The following ALCAM variants were observed in gnomAD, a reference collection of about 807,000 sequenced individuals.
The protein encoded by ALCAM is CD166 antigen.
Under a neutral mutation model 70.9 loss-of-function variants are expected in ALCAM, and 30 were observed. The ratio of observed to expected loss-of-function variants is 0.42; its 90% CI spans 0.32 to 0.57. The LOEUF (loss-of-function observed/expected upper bound fraction) is 0.57. Among genes scored for constraint, ALCAM ranks in the 20% least tolerant of loss-of-function variants. ALCAM has a pLI of 0.11. For missense variants in ALCAM, 591 were observed against 695.1 expected (o/e 0.85, Z 1.68); for synonymous variants, 249 against 242.5 (o/e 1.03, Z -0.25).
chr3:105,535,338 A>G (rs1376896570), intron 6 of ALCAM, among the ~76,000 whole-genome samples: 2 of 152,168 alleles, frequency 1.3e-5, no homozygotes, highest in Non-Finnish European at 2.9e-5. Context: ...TTCTAACTTC[A>G]TTATTTTAGT....
chr3:105,386,663 T>C (rs1324622428), intron 1 of ALCAM, among the ~76,000 whole-genome samples: 1 of 150,382 alleles, frequency 6.6e-6, no homozygotes, highest in Non-Finnish European at 1.5e-5. Flanking sequence ...CCACCATAAA[T>C]ATATATATAT....
Position 105,520,213 on chromosome 3 carries a change from T to C in ALCAM, c.174+46T>C, listed in dbSNP as rs747457156. 1.1e-5 allele frequency: 14 copies of C among 1,320,854 alleles called. No homozygotes were observed. In the South Asian group the frequency reaches 1.6e-4, roughly 15 times the overall value. The allele number at this position is 1,320,854 out of a possible 1,614,324, so 81.8% of individuals were successfully genotyped here. A position where few individuals can be genotyped will look rare whatever the true frequency, so the allele number is the denominator to read the frequency against. ...ACTTGGTTAATTGCCCTTGTTCTTT[T>C]AAATAAAATTCTTTCTGTGAGTAAC... is the stretch of plus-strand genomic sequence containing the variant. On this transcript the variant is annotated intron_variant, in intron 2 of 15. Coordinates refer to ENST00000306107, the MANE Select transcript of ALCAM (RefSeq NM_001627.4).
rs529687820 is a variant in ALCAM at position 105,383,980 on chromosome 3, A to T, written c.73+16499A>T. 4.0e-5 allele frequency among the ~76,000 whole-genome samples: 6 copies of T among 151,814 alleles called. No individual in the cohort carries two copies. The South Asian group carries it at 8.3e-4, about 21-fold the overall frequency. ...GCAGAAATAATATAGAAAAGACTTC[A>T]TAAGCAGATTGATCAGTCACGCAGG... is the stretch of plus-strand genomic sequence containing the variant. On this transcript the variant is annotated intron_variant, in intron 1 of 15. Transcript: ENST00000306107.
intron 5 of ALCAM, 60 bp downstream of exon 5, chr3:105,533,750 G>C: frequency 6.6e-7 from 1 of 1,508,838 alleles, no homozygotes; most frequent in Non-Finnish European, 9.2e-7. Context: ...GACTTTCTTT[G>C]TTCTAGGTAT....
At chr3:105,401,187 A>G (rs1338919805) in intron 1 of ALCAM, among the ~76,000 whole-genome samples, 1 of 152,184 alleles carries the variant, frequency 6.6e-6, no homozygotes, top group Non-Finnish European at 1.5e-5. Flanking sequence ...GAACACCCAC[A>G]CCTTAGTAGC....
intron 1 of ALCAM, among the ~76,000 whole-genome samples, chr3:105,388,831 G>A (rs1003512693): frequency 6.6e-6 from 1 of 151,358 alleles, no homozygotes; most frequent in African/African-American, 2.4e-5. Flanking sequence ...TAGCTCTTGA[G>A]GATTCAAAAC....
chr3:105,529,386 T>G (rs1419085146), intron 3 of ALCAM, among the ~76,000 whole-genome samples: 1 of 152,142 alleles, frequency 6.6e-6, no homozygotes, highest in Middle Eastern at 3.2e-3. Flanking sequence ...CATAGACTAT[T>G]TTTTAACACT....
At chr3:105,372,609 A>AT (rs1935263384) in intron 1 of ALCAM, among the ~76,000 whole-genome samples, 1 of 152,066 alleles carries the variant, frequency 6.6e-6, no homozygotes, top group Admixed American at 6.5e-5. Context: ...GGATTACTTA[A>AT]TTTGACTTTG....
At chr3:105,542,220 G>T (rs1559828020) in intron 8 of ALCAM, among the ~76,000 whole-genome samples, 1 of 151,818 alleles carries the variant, frequency 6.6e-6, no homozygotes, top group Non-Finnish European at 1.5e-5. Context: ...AGGAAGTAGA[G>T]ATCATTAGAA....
chr3:105,498,474 C>T (rs1272637552), intron 1 of ALCAM, among the ~76,000 whole-genome samples: 2 of 151,054 alleles, frequency 1.3e-5, no homozygotes, highest in African/African-American at 4.9e-5. Context: ...TTGACACCAC[C>T]ATGTTTTGTC....
At chr3:105,483,899 G>C (rs928299780) in intron 1 of ALCAM, among the ~76,000 whole-genome samples, 1 of 151,900 alleles carries the variant, frequency 6.6e-6, no homozygotes, top group Non-Finnish European at 1.5e-5. Context: ...AGAGCTTAAC[G>C]TGCCTGGGAT....
At chr3:105,524,702 G>C in intron 3 of ALCAM, 194 bp downstream of exon 3, 1 of 1,325,268 alleles carries the variant, frequency 7.5e-7, no homozygotes, top group Non-Finnish European at 9.6e-7. Context: ...TCAAATAGGA[G>C]ATTTGCAGTG....
intron 1 of ALCAM, among the ~76,000 whole-genome samples, chr3:105,396,349 T>A (rs1164485330): frequency 2.6e-5 from 4 of 151,730 alleles, no homozygotes; most frequent in Non-Finnish European, 5.9e-5. Context: ...ATCTTTGAAA[T>A]AGAAGAGACC....
At chr3:105,559,861 G>A (rs1940596094) in intron 14 of ALCAM, among the ~76,000 whole-genome samples, 1 of 152,048 alleles carries the variant, frequency 6.6e-6, no homozygotes, top group African/African-American at 2.4e-5. Context: ...ACATGTTTTT[G>A]AGATTTATTC....
chr3:105,565,352 A>G (rs9847971), intron 14 of ALCAM, among the ~76,000 whole-genome samples: 12,595 of 152,216 alleles, frequency 0.083, 667 homozygotes, highest in Non-Finnish European at 0.12. Flanking sequence ...TTCATGTTGC[A>G]TAATTTCTAT....
chr3:105,490,078 T>G (rs555032871), intron 1 of ALCAM, among the ~76,000 whole-genome samples: 20 of 152,338 alleles, frequency 1.3e-4, no homozygotes, highest in Admixed American at 1.3e-3. Context: ...CTAAGAAGTT[T>G]GGAGAAGTGA....
chr3:105,545,072 T>A (rs1940211227), intron 8 of ALCAM, 151 bp from the exon 9 acceptor site: 1 of 628,482 alleles, frequency 1.6e-6, no homozygotes, highest in African/African-American at 1.8e-5. Context: ...CTAATCATGC[T>A]ATAGTCCAAT....
chr3:105,461,394 A>G (rs1937603499), intron 1 of ALCAM, among the ~76,000 whole-genome samples: 1 of 151,922 alleles, frequency 6.6e-6, no homozygotes, highest in South Asian at 2.1e-4. Flanking sequence ...TACTAGTTTG[A>G]GACCTCTGAA....
intron 1 of ALCAM, among the ~76,000 whole-genome samples, chr3:105,503,231 T>C (rs975306076): frequency 6.6e-6 from 1 of 152,172 alleles, no homozygotes; most frequent in Non-Finnish European, 1.5e-5. Flanking sequence ...CTTCTACTTA[T>C]TTAGTCTCAA....
Sources: gnomAD v4.1 joint callset for allele counts (sites outside exome capture counted in the v4.1 genomes callset) on GRCh38, gnomAD v4.1.1 for gene constraint, MANE v1.5 for transcripts, NCBI Gene and HGNC (gene_info 2026-07-23, HGNC 2026-07-21) for gene names.